Variants in SPECC1 observed in about 807,000 individuals in gnomAD.
SPECC1 encodes the protein cytospin-B.
SPECC1 carries 62 observed loss-of-function variants against 104.1 expected under a neutral mutation model. The ratio of observed to expected loss-of-function variants is 0.60; its 90% CI spans 0.49 to 0.74. The LOEUF (loss-of-function observed/expected upper bound fraction) is 0.74. Ranked by LOEUF, SPECC1 falls within the 30% of genes least tolerant of loss-of-function variation. The probability of loss-of-function intolerance (pLI) is 0.00; values close to 1 mark genes in which losing one functional copy is unlikely to be tolerated. For synonymous variants in SPECC1, 513 were observed against 501.6 expected, an observed-to-expected ratio of 1.02 and a Z score of -0.30; for missense variants, 1,306 against 1,310.5, an observed-to-expected ratio of 1.00 and a Z score of 0.05.
Position 20,205,735 on chromosome 17 carries a change from G to A in SPECC1, c.1686G>A (p.Lys562=), listed in dbSNP as rs768633389. The A allele has an allele frequency of 7.4e-6, 12 of 1,614,102 alleles. No individual in the cohort carries two copies. Among genetic ancestry groups the A allele is most frequent in the Non-Finnish European group, 1.0e-5 (12 of 1,180,048 alleles). ...TGAAGTCTCATTTGCAGGGTGAGAA[G>A]CAGAAAGCCACAGAGGCCAGTGCTG... ...GSLKSHLQGE[K]QKATEASAVE... is the part of the protein sequence containing the mutation. The change falls in exon 4 of 15, where the codon AAG becomes AAA. Residue 562 remains lysine (K), a synonymous_variant. Coordinates refer to ENST00000395527, the MANE Select transcript of SPECC1 (RefSeq NM_001243439.2).
intron 12 of SPECC1, among the ~76,000 whole-genome samples, chr17:20,280,471 G>A (rs562843910): frequency 6.6e-6 from 1 of 152,344 alleles, no homozygotes; most frequent in South Asian, 2.1e-4. Flanking sequence ...TCATCCAGAT[G>A]TCGTGAAGGA....
intron 2 of SPECC1, among the ~76,000 whole-genome samples, chr17:20,100,220 G>A (rs1244327298): frequency 1.3e-5 from 2 of 152,060 alleles, no homozygotes; most frequent in African/African-American, 2.4e-5. Context: ...AAAATGATAG[G>A]GCTTGAGGGA....
intron 1 of SPECC1, among the ~76,000 whole-genome samples, chr17:20,057,520 GTCTC>G (rs972135115): frequency 6.6e-6 from 1 of 152,118 alleles, no homozygotes; most frequent in Non-Finnish European, 1.5e-5. Flanking sequence ...TTGAGACAGG[GTCTC>G]TCTCTGTCAC....
intron 12 of SPECC1, among the ~76,000 whole-genome samples, chr17:20,269,161 C>T (rs923349579): frequency 6.6e-6 from 1 of 152,102 alleles, no homozygotes; most frequent in African/African-American, 2.4e-5. Context: ...TGCCTCTGTG[C>T]AAAAAAGACT....
chr17:20,188,016 CAT>C (rs749198798), intron 3 of SPECC1, among the ~76,000 whole-genome samples: 3 of 152,110 alleles, frequency 2.0e-5, no homozygotes, highest in Non-Finnish European at 4.4e-5. Context: ...AATTCAGCCT[CAT>C]ATAAGGAAGG....
intron 12 of SPECC1, among the ~76,000 whole-genome samples, chr17:20,262,396 T>A (rs12450082): frequency 1.3e-5 from 2 of 152,206 alleles, no homozygotes; most frequent in East Asian, 3.9e-4. Context: ...GAAGTAATTG[T>A]ATAATTTATG....
At chr17:20,101,408 A>G (rs1477649724) in intron 2 of SPECC1, among the ~76,000 whole-genome samples, 1 of 152,166 alleles carries the variant, frequency 6.6e-6, no homozygotes, top group Admixed American at 6.5e-5. Context: ...GCATTTCTCT[A>G]GTGACCAGTG....
chr17:20,029,821 G>C (rs1026307277), intron 1 of SPECC1, among the ~76,000 whole-genome samples: 5 of 152,006 alleles, frequency 3.3e-5, no homozygotes, highest in Non-Finnish European at 1.5e-5. Context: ...TAAAAGGTTT[G>C]TTAACTTGGT....
chr17:20,112,542 A>G (rs1182500685), intron 3 of SPECC1: 4 of 780,578 alleles, frequency 5.1e-6, no homozygotes, highest in African/African-American at 1.7e-5. Flanking sequence ...ATTAACTTCA[A>G]AATGGCCAGT....
At chr17:20,221,395 G>T (rs1002811236) in intron 4 of SPECC1, among the ~76,000 whole-genome samples, 1 of 152,068 alleles carries the variant, frequency 6.6e-6, no homozygotes, top group Non-Finnish European at 1.5e-5. Flanking sequence ...TTGTTAGGTT[G>T]TATGTGTCTA....
intron 2 of SPECC1, among the ~76,000 whole-genome samples, chr17:20,109,287 G>A (rs539896415): frequency 1.3e-5 from 2 of 152,300 alleles, no homozygotes; most frequent in East Asian, 1.9e-4. Flanking sequence ...ACTGCATATC[G>A]ACATTGATTT....
In SPECC1 at chr17:20,316,155, C is replaced by T. The variant is rs576050825; in HGVS notation, c.*2090C>T. 1.3e-5 allele frequency: 3 copies of T among 231,372 alleles called. No individual in the cohort carries two copies. The Admixed American group carries it at 1.7e-4, about 13-fold the overall frequency. The allele number at this position is 231,372 out of a possible 1,614,324, so 14.3% of individuals were successfully genotyped here. Reference sequence around the variant, plus strand: ...GTTACTACTTCTGCTGATTCAGGCACTTGTTTGAAGCATTTTTTTTTTATT... The same window carrying T: ...GTTACTACTTCTGCTGATTCAGGCATTTGTTTGAAGCATTTTTTTTTTATT... On this transcript the variant is annotated 3_prime_UTR_variant, in exon 15 of 15. Coordinates refer to ENST00000395527, the MANE Select transcript of SPECC1 (RefSeq NM_001243439.2).
intron 14 of SPECC1, 115 bp from the exon 15 acceptor site, chr17:20,313,861 G>A: frequency 6.6e-6 from 6 of 911,266 alleles, no homozygotes; most frequent in Non-Finnish European, 1.0e-5. Context: ...CGTTCTGTCT[G>A]TGTAAGTGGA....
At chr17:20,308,822 T>TA (rs2041849434) in intron 14 of SPECC1, among the ~76,000 whole-genome samples, 1 of 152,122 alleles carries the variant, frequency 6.6e-6, no homozygotes, top group Non-Finnish European at 1.5e-5. Context: ...ACAACAAAAC[T>TA]AAGGAGTACC....
intron 1 of SPECC1, among the ~76,000 whole-genome samples, chr17:20,028,760 A>ATT (rs71157855): frequency 5.5e-5 from 7 of 128,272 alleles, no homozygotes; most frequent in African/African-American, 1.2e-4. Context: ...GTCATCTGGG[A>ATT]TTTTTTTTTT....
chr17:20,080,668 G>A (rs940918583), intron 1 of SPECC1, among the ~76,000 whole-genome samples: 1 of 152,126 alleles, frequency 6.6e-6, no homozygotes, highest in Admixed American at 6.5e-5. Context: ...GAGCTTGAGG[G>A]CCTCTCCGGG....
chr17:20,173,420 T>C (rs752931008), intron 3 of SPECC1, among the ~76,000 whole-genome samples: 30 of 152,228 alleles, frequency 2.0e-4, no homozygotes, highest in Admixed American at 3.9e-4. Context: ...GTTTATTGTA[T>C]ATGTATCAGG....
At chr17:20,266,823 T>C (rs2040234560) in intron 12 of SPECC1, among the ~76,000 whole-genome samples, 1 of 152,214 alleles carries the variant, frequency 6.6e-6, no homozygotes, top group East Asian at 1.9e-4. Flanking sequence ...AGATGACATT[T>C]GAGCACTTGC....
intron 14 of SPECC1, among the ~76,000 whole-genome samples, chr17:20,309,802 T>C (rs1489647161): frequency 7.0e-6 from 1 of 143,368 alleles, no homozygotes; most frequent in Non-Finnish European, 1.5e-5. Context: ...CTACTGGTTT[T>C]CTTTCTCCTT....
Sources: gnomAD v4.1 joint callset for allele counts (sites outside exome capture counted in the v4.1 genomes callset) on GRCh38, gnomAD v4.1.1 for gene constraint, MANE v1.5 for transcripts, NCBI Gene and HGNC (gene_info 2026-07-23, HGNC 2026-07-21) for gene names.